GRIN2B: variants seen among roughly 807,000 people sequenced by gnomAD.
The protein encoded by GRIN2B is glutamate receptor ionotropic, NMDA 2B.
In GRIN2B, 5 loss-of-function variants were observed where a neutral mutation model predicts 114.5. The ratio of observed to expected loss-of-function variants is 0.04; its 90% CI spans 0.02 to 0.09. GRIN2B has a LOEUF of 0.09. Ranked by LOEUF, GRIN2B falls within the 10% of genes least tolerant of loss-of-function variation. The pLI is 1.00. For synonymous variants in GRIN2B, 787 were observed against 745.1 expected, an observed-to-expected ratio of 1.06 and a Z score of -0.92; for missense variants, 1,108 against 1,943.5, an observed-to-expected ratio of 0.57 and a Z score of 8.08.
intron 6 of GRIN2B, among the ~76,000 whole-genome samples, 182 bp downstream of exon 6, chr12:13,616,273 C>T (rs1949439034): frequency 6.6e-6 from 1 of 152,114 alleles, no homozygotes; most frequent in Admixed American, 6.5e-5. Context: ...TCCCAGGTCA[C>T]CAGCTGGACA....
rs143872377 is a variant in GRIN2B at position 13,576,786 on chromosome 12, C to T, written c.2011-4822G>A. On this transcript the variant is annotated intron_variant, in intron 10 of 13. Coordinates refer to ENST00000609686, the MANE Select transcript of GRIN2B (RefSeq NM_000834.5). ...CAGGCTGGTTTCTAATTCCTGGCCTCAAGCGATCCGCTCTGCTCGGCCTCC... is the reference window on the plus strand; with the variant it reads ...CAGGCTGGTTTCTAATTCCTGGCCTTAAGCGATCCGCTCTGCTCGGCCTCC... Among the ~76,000 whole-genome samples the T allele has an allele frequency of 8.6e-4, 131 of 152,308 alleles. 1 individual carries two copies. Among genetic ancestry groups the T allele is most frequent in the African/African-American group, 3.0e-3 (125 of 41,562 alleles).
chr12:13,882,727 G>A (rs578000085), intron 2 of GRIN2B, among the ~76,000 whole-genome samples: 4 of 152,306 alleles, frequency 2.6e-5, no homozygotes, highest in South Asian at 4.1e-4. Context: ...ACATCAGTAT[G>A]TAAATTTTAA....
chr12:13,933,277 C>T (rs568464779), intron 2 of GRIN2B, among the ~76,000 whole-genome samples: 5 of 152,232 alleles, frequency 3.3e-5, no homozygotes, highest in East Asian at 1.9e-4. Flanking sequence ...GCCAGCACCC[C>T]GACTGAAACA....
At chr12:13,904,844 T>C (rs1866512207) in intron 2 of GRIN2B, among the ~76,000 whole-genome samples, 2 of 152,138 alleles carry the variant, frequency 1.3e-5, no homozygotes. Context: ...TAATCTTCCA[T>C]TATTCTATAA....
intron 3 of GRIN2B, among the ~76,000 whole-genome samples, chr12:13,846,995 T>C (rs1319739360): frequency 6.6e-6 from 1 of 152,096 alleles, no homozygotes; most frequent in African/African-American, 2.4e-5. Context: ...CGTGTCGCGG[T>C]TGCTATTATT....
intron 4 of GRIN2B, among the ~76,000 whole-genome samples, chr12:13,687,629 CTGTGTCT>C (rs926618391): frequency 2.0e-5 from 3 of 152,218 alleles, no homozygotes; most frequent in Admixed American, 1.3e-4. Context: ...CCAGGTTCCC[CTGTGTCT>C]TTAGACAATG....
intron 10 of GRIN2B, among the ~76,000 whole-genome samples, chr12:13,572,760 C>T (rs578063854): frequency 5.7e-4 from 87 of 152,324 alleles, no homozygotes; most frequent in African/African-American, 2.0e-3. Flanking sequence ...TATAGTCCAT[C>T]TCCTCAGTGC....
intron 4 of GRIN2B, among the ~76,000 whole-genome samples, chr12:13,727,886 T>A (rs902378936): frequency 6.6e-6 from 1 of 152,218 alleles, no homozygotes; most frequent in South Asian, 2.1e-4. Context: ...ATAAAGGAGA[T>A]ACTGTGAGTC....
At chr12:13,639,593 A>T (rs867857287) in intron 5 of GRIN2B, among the ~76,000 whole-genome samples, 2 of 152,140 alleles carry the variant, frequency 1.3e-5, no homozygotes, top group Non-Finnish European at 2.9e-5. Flanking sequence ...AAAATTCTGC[A>T]GTTCTCAACA....
chr12:13,866,114 G>T lies in GRIN2B; in HGVS notation c.95C>A (p.Pro32His). 6.2e-7 allele frequency: 1 copy of T among 1,613,848 alleles called. No homozygotes were observed. The highest frequency in any genetic ancestry group is 1.1e-5 in the South Asian group (1 of 91,074). ...SGSRARSQKS[P>H]PSIGIAVILV... Reference sequence around the variant, plus strand: ...GATGACAGCAATGCCAATGCTGGGGGGGCTCTTCTGAGAACGAGCTCTGCT... The same window carrying T: ...GATGACAGCAATGCCAATGCTGGGGTGGCTCTTCTGAGAACGAGCTCTGCT... Residue 32 changes from proline to histidine, a missense_variant, in exon 3 of 14, where the codon CCC becomes CAC. Pro to His is a moderately conservative substitution (Grantham distance 77). This residue lies in a region of GRIN2B where 46 missense variants were observed against 44.4 expected (regional missense o/e 1.04). Coordinates refer to ENST00000609686, the MANE Select transcript of GRIN2B (RefSeq NM_000834.5).
At chr12:13,920,339 C>A (rs1273886903) in intron 2 of GRIN2B, among the ~76,000 whole-genome samples, 1 of 151,944 alleles carries the variant, frequency 6.6e-6, no homozygotes, top group Non-Finnish European at 1.5e-5. Context: ...AACTCACTTA[C>A]GCTTCTCACA....
intron 2 of GRIN2B, among the ~76,000 whole-genome samples, chr12:13,954,818 A>AAAAAAAAAAAAAAAAAAAC: frequency 6.8e-6 from 1 of 146,828 alleles, no homozygotes; most frequent in African/African-American, 2.5e-5. Context: ...CAGGAAAAAA[A>AAAAAAAAAAAAAAAAAAAC]AAAAAAAAAA....
intron 10 of GRIN2B, among the ~76,000 whole-genome samples, chr12:13,607,436 T>A (rs1591637759): frequency 1.1e-5 from 1 of 90,040 alleles, no homozygotes; most frequent in Admixed American, 2.1e-4. Context: ...ATATATAATA[T>A]ATATTATATA....
At chr12:13,897,632 C>G (rs1256516968) in intron 2 of GRIN2B, among the ~76,000 whole-genome samples, 1 of 152,166 alleles carries the variant, frequency 6.6e-6, no homozygotes, top group Non-Finnish European at 1.5e-5. Context: ...ACTTATCCCT[C>G]TGGGCCCTGG....
In GRIN2B at chr12:13,562,264, A is replaced by G. The variant is rs1395051564; in HGVS notation, c.*519T>C. On this transcript the variant is annotated 3_prime_UTR_variant, in exon 14 of 14. Transcript: ENST00000609686. Reference sequence around the variant, plus strand: ...TCTGCTTGGCACATGATTCCTAGACAGATGTCATCTAAGCAGCATGAATTT... The same window carrying G: ...TCTGCTTGGCACATGATTCCTAGACGGATGTCATCTAAGCAGCATGAATTT... The G allele has an allele frequency of 6.3e-6, 1 of 158,290 alleles. No individual in the cohort carries two copies. The highest frequency in any genetic ancestry group is 1.4e-5 in the Non-Finnish European group (1 of 71,634). The allele number at this position is 158,290 out of a possible 1,614,324, so 9.8% of individuals were successfully genotyped here. A position where few individuals can be genotyped will look rare whatever the true frequency, so the allele number is the denominator to read the frequency against.
chr12:13,965,235 C>T (rs1867769390), intron 2 of GRIN2B, among the ~76,000 whole-genome samples: 1 of 152,144 alleles, frequency 6.6e-6, no homozygotes, highest in South Asian at 2.1e-4. Flanking sequence ...GTTCCTAGCC[C>T]TGGTCTCTTT....
chr12:13,903,383 G>A (rs1866487518), intron 2 of GRIN2B, among the ~76,000 whole-genome samples: 1 of 151,842 alleles, frequency 6.6e-6, no homozygotes, highest in Non-Finnish European at 1.5e-5. Flanking sequence ...TCTGTCTAAG[G>A]ATTGTTTTAT....
In GRIN2B at chr12:13,909,439, C is replaced by T. The variant is rs565877642; in HGVS notation, c.-18-43213G>A. ...GGGATAGGGCCGTGTGTCCTAGTGA[C>T]GTAGAACCTGAATGTACGGGAGGGC... On this transcript the variant is annotated intron_variant, in intron 2 of 13. Transcript: ENST00000609686. Among the ~76,000 whole-genome samples the T allele has an allele frequency of 4.6e-5, 7 of 152,270 alleles. No individual in the cohort carries two copies. In the South Asian group the frequency reaches 1.2e-3, roughly 27 times the overall value.
intron 4 of GRIN2B, among the ~76,000 whole-genome samples, chr12:13,723,677 A>C (rs1016641394): frequency 2.0e-5 from 3 of 152,082 alleles, no homozygotes; most frequent in African/African-American, 7.2e-5. Context: ...TTAGCATCAC[A>C]AATACTAACA....
Sources: gnomAD v4.1 joint callset for allele counts (sites outside exome capture counted in the v4.1 genomes callset) on GRCh38, gnomAD v4.1.1 for gene constraint, gnomAD v4.1.1 regional missense constraint, MANE v1.5 for transcripts, NCBI Gene and HGNC (gene_info 2026-07-23, HGNC 2026-07-21) for gene names.